The following TMPRSS15 variants were observed in gnomAD, a reference collection of about 807,000 sequenced individuals.
The protein encoded by TMPRSS15 is enteropeptidase.
Under a neutral mutation model 125.3 loss-of-function variants are expected in TMPRSS15, and 128 were observed. The observed-to-expected ratio is 1.02, with a 90% CI of 0.89 to 1.18. The LOEUF (loss-of-function observed/expected upper bound fraction) is 1.18. Ranked by LOEUF, TMPRSS15 falls within the 50% of genes most tolerant of loss-of-function variation. The probability of loss-of-function intolerance (pLI) is 0.00; values close to 1 mark genes in which losing one functional copy is unlikely to be tolerated. For missense variants in TMPRSS15, 1,283 were observed against 1,212.7 expected (o/e 1.06, Z -0.86); for synonymous variants, 446 against 423.2 (o/e 1.05, Z -0.66).
At chr21:18,472,993 T>A (rs1266754419) in intron 1 of TMPRSS15, among the ~76,000 whole-genome samples, 2 of 152,070 alleles carry the variant, frequency 1.3e-5, no homozygotes, top group African/African-American at 4.8e-5. Flanking sequence ...TCCAGATGAA[T>A]TCCATTAGAA....
At chr21:18,362,544 C>G (rs2824772) in intron 7 of TMPRSS15, among the ~76,000 whole-genome samples, 83,291 of 151,882 alleles carry the variant, frequency 0.55, 23,187 homozygotes, top group East Asian at 0.86. Flanking sequence ...AATAAAACCA[C>G]AGGGATTTAT....
intron 18 of TMPRSS15, among the ~76,000 whole-genome samples, chr21:18,299,760 A>G (rs2074945349): frequency 6.6e-6 from 1 of 152,176 alleles, no homozygotes; most frequent in African/African-American, 2.4e-5. Flanking sequence ...CCAGACAAGC[A>G]GCACCAGCCT....
At chr21:18,427,636 A>G (rs2076205977) in intron 1 of TMPRSS15, among the ~76,000 whole-genome samples, 1 of 152,184 alleles carries the variant, frequency 6.6e-6, no homozygotes, top group African/African-American at 2.4e-5. Context: ...TCAAAACATG[A>G]CTGAGCATTT....
At chr21:18,280,629 T>C (rs1388151448) in intron 22 of TMPRSS15, among the ~76,000 whole-genome samples, 1 of 150,368 alleles carries the variant, frequency 6.7e-6, no homozygotes, top group Non-Finnish European at 1.5e-5. Context: ...CTTCCTTCTA[T>C]GAATAACTTA....
At chr21:18,389,892 C>G (rs992100604) in intron 3 of TMPRSS15, among the ~76,000 whole-genome samples, 2 of 152,126 alleles carry the variant, frequency 1.3e-5, no homozygotes, top group African/African-American at 2.4e-5. Context: ...AGATGTGAGA[C>G]TAACCTTTCT....
intron 7 of TMPRSS15, among the ~76,000 whole-genome samples, chr21:18,363,875 A>G (rs1229751227): frequency 6.6e-6 from 1 of 152,110 alleles, no homozygotes; most frequent in Non-Finnish European, 1.5e-5. Context: ...TTTTTGACAC[A>G]CCAATAGCAT....
chr21:18,474,004 G>A (rs564249838), intron 1 of TMPRSS15, among the ~76,000 whole-genome samples: 1 of 152,226 alleles, frequency 6.6e-6, no homozygotes, highest in Admixed American at 6.5e-5. Context: ...TAAATAGACA[G>A]ATGGTATTAA....
chr21:18,450,460 T>C (rs2076265693), intron 1 of TMPRSS15, among the ~76,000 whole-genome samples: 1 of 152,180 alleles, frequency 6.6e-6, no homozygotes, highest in Admixed American at 6.5e-5. Flanking sequence ...TAAATCTTCT[T>C]ACTCTATTCT....
intron 10 of TMPRSS15, among the ~76,000 whole-genome samples, chr21:18,348,942 AG>A (rs2075536502): frequency 6.6e-6 from 1 of 152,190 alleles, no homozygotes; most frequent in Middle Eastern, 3.2e-3. Flanking sequence ...CTTTAATGGC[AG>A]GTCCTATTGT....
chr21:18,476,698 C>A (rs1424510379), intron 1 of TMPRSS15, among the ~76,000 whole-genome samples: 1 of 151,942 alleles, frequency 6.6e-6, no homozygotes. Flanking sequence ...TTTACAGGAC[C>A]TAAAGAAAAA....
chr21:18,404,785 T>C (rs138018112), upstream of TMPRSS15, among the ~76,000 whole-genome samples: 6 of 152,188 alleles, frequency 3.9e-5, no homozygotes, highest in African/African-American at 1.2e-4. Context: ...TCTTCTTCTT[T>C]ACCCATGAAA....
intron 6 of TMPRSS15, among the ~76,000 whole-genome samples, chr21:18,367,345 G>T (rs1184025566): frequency 6.6e-6 from 1 of 152,180 alleles, no homozygotes; most frequent in Admixed American, 6.5e-5. Context: ...TTTGAAGATA[G>T]ATAGTAAAAT....
At chr21:18,359,589 T>C (rs1199615340) in intron 8 of TMPRSS15, among the ~76,000 whole-genome samples, 168 bp downstream of exon 8, 2 of 151,990 alleles carry the variant, frequency 1.3e-5, no homozygotes, top group African/African-American at 4.8e-5. Flanking sequence ...GAAGACCACA[T>C]AGAGCACTAA....
chr21:18,479,234 A>G (rs1210003384), intron 1 of TMPRSS15, among the ~76,000 whole-genome samples: 2 of 151,418 alleles, frequency 1.3e-5, no homozygotes, highest in African/African-American at 2.4e-5. Flanking sequence ...GGAAGTTCCT[A>G]TATGATTGGA....
At chr21:18,312,805 ATTT>A in intron 18 of TMPRSS15, 137 bp downstream of exon 18, 1 of 1,140,566 alleles carries the variant, frequency 8.8e-7, no homozygotes, top group Non-Finnish European at 1.2e-6. Context: ...GTTAATCAAG[ATTT>A]TTATTTTCTC....
chr21:18,372,381 T>A, intron 5 of TMPRSS15, 57 bp from the exon 6 acceptor site: 1 of 1,557,030 alleles, frequency 6.4e-7, no homozygotes, highest in Non-Finnish European at 8.8e-7. Flanking sequence ...AATGTTTAAA[T>A]ATTTAATAGG....
intron 18 of TMPRSS15, among the ~76,000 whole-genome samples, chr21:18,309,844 G>C (rs1369940863): frequency 1.3e-5 from 2 of 152,124 alleles, no homozygotes; most frequent in Non-Finnish European, 2.9e-5. Flanking sequence ...GCGTAAATTA[G>C]TTCAACTAAA....
chr21:18,315,761 T>G (rs954926066), intron 16 of TMPRSS15, among the ~76,000 whole-genome samples: 18 of 139,462 alleles, frequency 1.3e-4, no homozygotes, highest in African/African-American at 4.6e-4. Flanking sequence ...AGTTAGTGGG[T>G]GCAGCACACC....
At chr21:18,474,372 C>A (rs1167178666) in intron 1 of TMPRSS15, among the ~76,000 whole-genome samples, 1 of 151,712 alleles carries the variant, frequency 6.6e-6, no homozygotes, top group Admixed American at 6.6e-5. Context: ...CTCACTGCAA[C>A]CTTCGCCTCT....
Sources: allele counts gnomAD v4.1 joint callset (sites outside exome capture counted in the v4.1 genomes callset), GRCh38; gene constraint gnomAD v4.1.1; transcripts MANE v1.5; gene names NCBI Gene and HGNC (gene_info 2026-07-23, HGNC 2026-07-21).